Variants in DOK5 observed in about 807,000 individuals in gnomAD.
DOK5 encodes downstream of tyrosine kinase 5.
In DOK5, 27 loss-of-function variants were observed where a neutral mutation model predicts 43.3. That is an observed-to-expected ratio of 0.62 (90% CI 0.46 to 0.86). The LOEUF (loss-of-function observed/expected upper bound fraction) is 0.86. Among genes scored for constraint, DOK5 ranks in the 40% least tolerant of loss-of-function variants. DOK5 has a pLI of 0.00. For synonymous variants in DOK5, 146 were observed against 140.1 expected, an observed-to-expected ratio of 1.04 and a Z score of -0.30; for missense variants, 373 against 392.9, an observed-to-expected ratio of 0.95 and a Z score of 0.43.
intron 2 of DOK5, among the ~76,000 whole-genome samples, chr20:54,572,287 T>C (rs774176757): frequency 9.9e-5 from 15 of 151,954 alleles, no homozygotes; most frequent in Non-Finnish European, 2.1e-4. Context: ...CAGCCTCCCG[T>C]GTAGCTGGGA....
intron 6 of DOK5, among the ~76,000 whole-genome samples, chr20:54,616,785 T>TTC (rs1986827191): frequency 2.5e-5 from 2 of 80,382 alleles, no homozygotes; most frequent in African/African-American, 1.9e-4. Flanking sequence ...TTTTTTTTTC[T>TTC]TTTTTTTTTT....
At chr20:54,545,839 T>C (rs1984324329) in intron 1 of DOK5, among the ~76,000 whole-genome samples, 1 of 152,194 alleles carries the variant, frequency 6.6e-6, no homozygotes, top group Admixed American at 6.5e-5. Context: ...GTGAGTGAAC[T>C]TAAAATCACA....
At chr20:54,543,865 A>G (rs992406193) in intron 1 of DOK5, among the ~76,000 whole-genome samples, 1 of 152,228 alleles carries the variant, frequency 6.6e-6, no homozygotes, top group African/African-American at 2.4e-5. Flanking sequence ...TAATTAAACC[A>G]GTCCTCTGAA....
At chr20:54,510,867 A>T (rs550465149) in intron 1 of DOK5, among the ~76,000 whole-genome samples, 1 of 152,172 alleles carries the variant, frequency 6.6e-6, no homozygotes, top group Non-Finnish European at 1.5e-5. Flanking sequence ...GCTCATTAAA[A>T]TGGGAATGAG....
At chr20:54,605,094 G>T (rs1390346350) in intron 5 of DOK5, among the ~76,000 whole-genome samples, 7 of 147,174 alleles carry the variant, frequency 4.8e-5, no homozygotes, top group African/African-American at 1.6e-4. Context: ...GCTTTTGGCA[G>T]TGTCCATATA....
Position 54,537,683 on chromosome 20 carries a change from G to C in DOK5, c.67-17250G>C, listed in dbSNP as rs142506581. On this transcript the variant is annotated intron_variant, in intron 1 of 7. Coordinates refer to ENST00000262593, the MANE Select transcript of DOK5 (RefSeq NM_018431.5). ...ATCACAAGAGTTTCAGGGACCTTGT[G>C]GCATTGTAACTAAAGATCTAACATT... Among the ~76,000 whole-genome samples, 476 of 152,108 alleles carry C rather than the reference G, an allele frequency of 3.1e-3. 4 individuals are homozygous for C. Among genetic ancestry groups the C allele is most frequent in the African/African-American group, 0.011 (457 of 41,486 alleles).
intron 5 of DOK5, among the ~76,000 whole-genome samples, chr20:54,592,288 G>T (rs1985999036): frequency 1.3e-5 from 2 of 152,132 alleles, no homozygotes; most frequent in South Asian, 4.1e-4. Flanking sequence ...TACAGTGTAA[G>T]GATTCTCATG....
At chr20:54,576,928 T>C (rs1346189282) in intron 2 of DOK5, among the ~76,000 whole-genome samples, 3 of 152,266 alleles carry the variant, frequency 2.0e-5, no homozygotes, top group African/African-American at 7.2e-5. Context: ...AGATGCAGTT[T>C]ATGATTTTCA....
At chr20:54,586,196 C>G (rs1985798780) in intron 2 of DOK5, among the ~76,000 whole-genome samples, 1 of 152,182 alleles carries the variant, frequency 6.6e-6, no homozygotes, top group South Asian at 2.1e-4. Flanking sequence ...TTCATTGATT[C>G]AGCCCTTCAG....
intron 6 of DOK5, among the ~76,000 whole-genome samples, chr20:54,619,272 G>A (rs4996783): frequency 0.029 from 4,368 of 151,532 alleles, 164 homozygotes; most frequent in African/African-American, 0.084. Context: ...TGAATGAGGC[G>A]GGGAGGCGAG....
chr20:54,496,638 C>T (rs937583111), intron 1 of DOK5, among the ~76,000 whole-genome samples: 3 of 151,752 alleles, frequency 2.0e-5, no homozygotes, highest in Admixed American at 6.6e-5. Flanking sequence ...TGGTGGCAGG[C>T]GCCTGTAGTC....
Position 54,475,881 on chromosome 20 carries a change from C to G in DOK5, c.-66C>G. On this transcript the variant is annotated 5_prime_UTR_variant, in exon 1 of 8. Transcript: ENST00000262593. The surrounding 1 kb of genome is among the most constrained non-coding windows in gnomAD (Gnocchi z 4.2). ...CGACTGCTTGTCTTGACCCTGCCCTCCACCCTCCCCAGAGCCACTTCGGGT... is the reference window on the plus strand; with the variant it reads ...CGACTGCTTGTCTTGACCCTGCCCTGCACCCTCCCCAGAGCCACTTCGGGT... 1 of 1,593,988 alleles carries G rather than the reference C, an allele frequency of 6.3e-7. No individual in the cohort carries two copies. Among genetic ancestry groups the G allele is most frequent in the Non-Finnish European group, 8.6e-7 (1 of 1,169,484 alleles).
intron 1 of DOK5, among the ~76,000 whole-genome samples, chr20:54,539,237 C>T (rs562734585): frequency 2.1e-4 from 30 of 143,800 alleles, no homozygotes; most frequent in Admixed American, 1.8e-3. Context: ...TGAGATCGCA[C>T]CCCTGCACTC....
At position 54,649,378 on chromosome 20, in the gene DOK5, C is replaced by T. The variant is rs144902532; in HGVS notation, c.857-1037C>T. Among the ~76,000 whole-genome samples the T allele has an allele frequency of 2.9e-3, 445 of 152,138 alleles. 4 individuals are homozygous for T. Among genetic ancestry groups the T allele is most frequent in the African/African-American group, 0.01 (425 of 41,500 alleles). On this transcript the variant is annotated intron_variant, in intron 7 of 7. Coordinates refer to ENST00000262593, the MANE Select transcript of DOK5 (RefSeq NM_018431.5). ...TTGAGGCTGCAGTGAGCTGAGATCA[C>T]GCCACTGCACTGCAGCCGGGGCGAA...
At chr20:54,524,037 T>A (rs1243870209) in intron 1 of DOK5, among the ~76,000 whole-genome samples, 1 of 152,014 alleles carries the variant, frequency 6.6e-6, no homozygotes, top group Non-Finnish European at 1.5e-5. Flanking sequence ...GTTTGTTAAA[T>A]GGGGGTTAAC....
chr20:54,615,931 C>T (rs533665115), intron 6 of DOK5, among the ~76,000 whole-genome samples: 2 of 151,896 alleles, frequency 1.3e-5, no homozygotes, highest in South Asian at 4.1e-4. Flanking sequence ...CAGGTTCTCC[C>T]CCAGAACCTC....
chr20:54,484,274 G>A (rs1981838348), intron 1 of DOK5, among the ~76,000 whole-genome samples: 1 of 152,010 alleles, frequency 6.6e-6, no homozygotes, highest in Admixed American at 6.6e-5. Flanking sequence ...AGCTACTCAG[G>A]GGGCCGAGGC....
intron 2 of DOK5, among the ~76,000 whole-genome samples, chr20:54,571,055 G>A (rs1457922646): frequency 2.0e-5 from 3 of 152,128 alleles, no homozygotes; most frequent in African/African-American, 7.2e-5. Flanking sequence ...TCCATTTTTG[G>A]AAATTCTTAA....
chr20:54,586,689 T>C (rs1451578782), intron 2 of DOK5, among the ~76,000 whole-genome samples: 1 of 152,142 alleles, frequency 6.6e-6, no homozygotes, highest in African/African-American at 2.4e-5. Flanking sequence ...GGTGTTAGGA[T>C]GGGAGGTGTC....
Sources: gnomAD v4.1 joint callset for allele counts (sites outside exome capture counted in the v4.1 genomes callset) on GRCh38, gnomAD v4.1.1 for gene constraint, Gnocchi (gnomAD v3.1) non-coding constraint, MANE v1.5 for transcripts, NCBI Gene and HGNC (gene_info 2026-07-23, HGNC 2026-07-21) for gene names.